The following ZBTB20 variants were observed in gnomAD, a reference collection of about 807,000 sequenced individuals.
The protein encoded by ZBTB20 is zinc finger and BTB domain-containing protein 20.
Under a neutral mutation model 56.9 loss-of-function variants are expected in ZBTB20, and 9 were observed. The observed-to-expected ratio is 0.16, with a 90% confidence interval of 0.10 to 0.28. ZBTB20 has a LOEUF of 0.28. Among genes scored for constraint, ZBTB20 ranks in the 10% least tolerant of loss-of-function variants. ZBTB20 has a pLI of 1.00. For missense variants in ZBTB20, 655 were observed against 1,003.0 expected, an observed-to-expected ratio of 0.65 and a Z score of 4.69; for synonymous variants, 417 against 420.7, an observed-to-expected ratio of 0.99 and a Z score of 0.11.
At chr3:115,028,286 T>C (rs2080510152) in intron 2 of ZBTB20, among the ~76,000 whole-genome samples, 1 of 150,770 alleles carries the variant, frequency 6.6e-6, no homozygotes, top group Non-Finnish European at 1.5e-5. Context: ...AGCAAAAGCC[T>C]AAAACAGTAC....
chr3:115,114,622 A>G (rs1428080951), intron 1 of ZBTB20, among the ~76,000 whole-genome samples: 1 of 152,156 alleles, frequency 6.6e-6, no homozygotes, highest in Admixed American at 6.5e-5. Flanking sequence ...AAATATGCCA[A>G]TATATTTTTG....
intron 4 of ZBTB20, among the ~76,000 whole-genome samples, chr3:114,886,724 A>C (rs531182053): frequency 2.2e-4 from 34 of 152,328 alleles, no homozygotes; most frequent in South Asian, 1.9e-3. Flanking sequence ...GAGAAGTTTC[A>C]GTAGTTTAAA....
intron 4 of ZBTB20, among the ~76,000 whole-genome samples, chr3:114,818,036 C>A (rs1481766914): frequency 1.3e-5 from 2 of 152,116 alleles, no homozygotes; most frequent in Non-Finnish European, 2.9e-5. Flanking sequence ...TGAGTTGCCC[C>A]AATATCACAT....
At chr3:114,545,248 G>C (rs1026351537) in intron 6 of ZBTB20, among the ~76,000 whole-genome samples, 1 of 152,192 alleles carries the variant, frequency 6.6e-6, no homozygotes, top group Non-Finnish European at 1.5e-5. Context: ...TAAAAGAGCT[G>C]CTAGTACTTT....
intron 1 of ZBTB20, among the ~76,000 whole-genome samples, chr3:115,081,361 T>C (rs1203499173): frequency 6.6e-6 from 1 of 152,102 alleles, no homozygotes; most frequent in Admixed American, 6.6e-5. Context: ...CACACATCTG[T>C]AGGGTTTGGT....
intron 6 of ZBTB20, among the ~76,000 whole-genome samples, chr3:114,640,463 T>C (rs2059500859): frequency 1.3e-5 from 2 of 152,080 alleles, no homozygotes; most frequent in Admixed American, 1.3e-4. Flanking sequence ...ATAGGTAACA[T>C]ACAAGGATTT....
chr3:114,763,125 A>C (rs191102846), intron 5 of ZBTB20, among the ~76,000 whole-genome samples: 25 of 152,304 alleles, frequency 1.6e-4, no homozygotes, highest in African/African-American at 3.6e-4. Context: ...AGTTTTTCTA[A>C]ACAAGAAGTT....
chr3:114,970,903 T>A (rs1179082450), intron 3 of ZBTB20, among the ~76,000 whole-genome samples: 1 of 151,854 alleles, frequency 6.6e-6, no homozygotes, highest in East Asian at 1.9e-4. Flanking sequence ...TAGTCCCAGC[T>A]ACTTGGGAGG....
At chr3:115,036,154 T>C (rs2080909051) in intron 2 of ZBTB20, among the ~76,000 whole-genome samples, 1 of 152,112 alleles carries the variant, frequency 6.6e-6, no homozygotes, top group South Asian at 2.1e-4. Context: ...TACTTGGTGG[T>C]AATGGGTTCA....
chr3:114,491,281 A>T (rs1227936787), intron 7 of ZBTB20, among the ~76,000 whole-genome samples: 1 of 152,214 alleles, frequency 6.6e-6, no homozygotes, highest in Non-Finnish European at 1.5e-5. Flanking sequence ...AAATCCCATG[A>T]CAGAGCAGAT....
rs78515488 is a variant in ZBTB20 at position 114,475,424 on chromosome 3, T to C, written c.-255+24928A>G. Reference sequence around the variant, plus strand: ...AGATTAAAACTTCTAGGGCAAGACATGTCTTATCTGTGTATCCTCTCCAGT... The same window carrying C: ...AGATTAAAACTTCTAGGGCAAGACACGTCTTATCTGTGTATCCTCTCCAGT... On this transcript the variant is annotated intron_variant, in intron 7 of 11. Coordinates refer to ENST00000675478, the MANE Select transcript of ZBTB20 (RefSeq NM_001348800.3). Among the ~76,000 whole-genome samples, 17 of 152,340 alleles carry C rather than the reference T, an allele frequency of 1.1e-4. No individual in the cohort carries two copies. The East Asian group carries it at 3.1e-3, about 28-fold the overall frequency.
intron 7 of ZBTB20, among the ~76,000 whole-genome samples, chr3:114,401,083 GACACACAC>G (rs201829025): frequency 6.8e-5 from 9 of 133,074 alleles, no homozygotes; most frequent in Middle Eastern, 3.7e-3. Context: ...CTACCTCCCA[GACACACAC>G]ACACACACAC....
At chr3:114,492,313 T>C (rs2042837780) in intron 7 of ZBTB20, among the ~76,000 whole-genome samples, 1 of 152,234 alleles carries the variant, frequency 6.6e-6, no homozygotes, top group Non-Finnish European at 1.5e-5. Flanking sequence ...TGCAATATGC[T>C]CACTATGTAT....
intron 7 of ZBTB20, among the ~76,000 whole-genome samples, chr3:114,484,798 A>T (rs1397347007): frequency 4.7e-5 from 7 of 150,492 alleles, no homozygotes; most frequent in East Asian, 2.0e-4. Flanking sequence ...ATATCAATAG[A>T]GTGTGTGTGT....
chr3:115,097,404 G>A (rs967157017), intron 1 of ZBTB20, among the ~76,000 whole-genome samples: 4 of 151,610 alleles, frequency 2.6e-5, no homozygotes, highest in African/African-American at 7.3e-5. Flanking sequence ...GGATAGTCTC[G>A]ATCTCCCGAC....
intron 6 of ZBTB20, among the ~76,000 whole-genome samples, chr3:114,662,879 GT>G (rs1280304848): frequency 1.3e-5 from 2 of 152,094 alleles, no homozygotes; most frequent in Non-Finnish European, 2.9e-5. Flanking sequence ...TTCTTTTGCT[GT>G]GCAGAAGCTC....
At chr3:114,982,599 T>C (rs942212475) in intron 2 of ZBTB20, among the ~76,000 whole-genome samples, 5 of 152,180 alleles carry the variant, frequency 3.3e-5, no homozygotes, top group African/African-American at 1.2e-4. Context: ...TTAATTTTTA[T>C]TGAATTACTC....
At chr3:114,576,412 G>A (rs1464113092) in intron 6 of ZBTB20, among the ~76,000 whole-genome samples, 3 of 148,736 alleles carry the variant, frequency 2.0e-5, no homozygotes, top group African/African-American at 7.4e-5. Context: ...TGAGGCAGGA[G>A]AACGGCGTGA....
At chr3:114,883,619 C>A (rs940787490) in intron 4 of ZBTB20, among the ~76,000 whole-genome samples, 1 of 152,042 alleles carries the variant, frequency 6.6e-6, no homozygotes, top group Non-Finnish European at 1.5e-5. Flanking sequence ...ATAGTAATAT[C>A]CATCTTGTTT....
Sources: allele counts gnomAD v4.1 joint callset (sites outside exome capture counted in the v4.1 genomes callset), GRCh38; gene constraint gnomAD v4.1.1; transcripts MANE v1.5; gene names NCBI Gene and HGNC (gene_info 2026-07-23, HGNC 2026-07-21).